Variants in RAB44 observed in about 807,000 individuals in gnomAD.
The protein encoded by RAB44 is RAB44, member RAS oncogene family.
RAB44 carries 67 observed loss-of-function variants against 93.3 expected under a neutral mutation model. That is an observed-to-expected ratio of 0.72 (90% CI 0.59 to 0.88). RAB44 has a LOEUF of 0.88. Among genes scored for constraint, RAB44 ranks in the 40% least tolerant of loss-of-function variants. The pLI, the probability that RAB44 is intolerant of heterozygous loss-of-function variation, is 0.00. For synonymous variants in RAB44, 427 were observed against 520.3 expected, an observed-to-expected ratio of 0.82 and a Z score of 2.44; for missense variants, 1,064 against 1,261.7, an observed-to-expected ratio of 0.84 and a Z score of 2.37.
rs116656106 is a variant in RAB44, at chr6:36,699,573, G to T, written c.-13+1658G>T. 7.0e-3 allele frequency among the ~76,000 whole-genome samples: 1,059 copies of T among 152,294 alleles called. 16 individuals carry two copies. Among genetic ancestry groups the T allele is most frequent in the African/African-American group, 0.024 (1,004 of 41,558 alleles). ...GTTCCAAAGCCCTTGTCCCACTCAG[G>T]GCTACTCCACTGGGTGTTTGTCATC... On this transcript the variant is annotated intron_variant, in intron 1 of 13. Coordinates refer to ENST00000612677, the MANE Select transcript of RAB44 (RefSeq NM_001257357.2).
Position 36,724,726 on chromosome 6 carries a change from C to A in RAB44, c.2600-1136C>A, listed in dbSNP as rs373791256. 3.9e-5 allele frequency among the ~76,000 whole-genome samples: 6 copies of A among 152,284 alleles called. No individual in the cohort carries two copies. The East Asian group carries it at 1.2e-3, about 29-fold the overall frequency. On this transcript the variant is annotated intron_variant, in intron 9 of 13. Transcript: ENST00000612677. The stretch of plus-strand genomic sequence containing the variant: ...CAAGCCGGCATGCACTGCTAGCCTG[C>A]TGGGAGTACCTGAGATCCAAGTGCT...
chr6:36,731,951 T>G lies in RAB44; in HGVS notation c.2976-52T>G, dbSNP rs1230156529. 1 of 1,182,772 alleles carries G rather than the reference T, an allele frequency of 8.5e-7. No homozygotes were observed. Among genetic ancestry groups the G allele is most frequent in the Non-Finnish European group, 1.1e-6 (1 of 943,264 alleles). 73.3% of individuals were successfully genotyped at this position (1,182,772 alleles called of 1,614,324 possible). A position where few individuals can be genotyped will look rare whatever the true frequency, so the allele number is the denominator to read the frequency against. On this transcript the variant is annotated intron_variant, in intron 13 of 13. Coordinates refer to ENST00000612677, the MANE Select transcript of RAB44 (RefSeq NM_001257357.2). This position sits in a 1 kb window ranked among gnomAD's most constrained non-coding sequence, Gnocchi z 4.0. ...CCAGCTGCACCCATGGGCCCATCCG[T>G]GCTGCCCGTAGGAGGTGAGAGAGAG...
chr6:36,699,111 C>T (rs1413351804), intron 1 of RAB44, among the ~76,000 whole-genome samples: 1 of 152,160 alleles, frequency 6.6e-6, no homozygotes, highest in Admixed American at 6.5e-5. Flanking sequence ...GCCTTCCTGC[C>T]CCAGGCCACC....
chr6:36,706,104 TGCCCAA>T (rs888997217), intron 2 of RAB44, among the ~76,000 whole-genome samples: 12 of 152,156 alleles, frequency 7.9e-5, no homozygotes, highest in Non-Finnish European at 1.6e-4. Context: ...CTTGCTATGT[TGCCCAA>T]GCTGTTGTCT....
chr6:36,713,892 T>C lies in RAB44; in HGVS notation c.272T>C (p.Val91Ala), dbSNP rs1373442227. ...ESEMIFDWVD[V>A]ERKGHLSLEE... is the part of the protein sequence containing the mutation. The stretch of plus-strand genomic sequence containing the variant: ...GAGATGATCTTCGACTGGGTGGATG[T>C]GGAGCGGAAGGGACACCTGTCCCTT... The change falls in exon 3 of 14, where the codon GTG (valine) becomes GCG (alanine). Residue 91 changes from valine to alanine, a missense_variant. Coordinates refer to ENST00000612677, the MANE Select transcript of RAB44 (RefSeq NM_001257357.2). The C allele has an allele frequency of 2.0e-6, 3 of 1,536,132 alleles. No homozygotes were observed. Among genetic ancestry groups the C allele is most frequent in the Non-Finnish European group, 2.6e-6 (3 of 1,146,882 alleles).
intron 2 of RAB44, among the ~76,000 whole-genome samples, chr6:36,710,547 CTTT>C (rs113911213): frequency 6.9e-6 from 1 of 144,114 alleles, no homozygotes; most frequent in African/African-American, 2.6e-5. Flanking sequence ...TTTTGTACAA[CTTT>C]TTTTTTTTTT....
Position 36,732,077 on chromosome 6 carries a change from T to G in RAB44, c.3050T>G (p.Phe1017Cys). 6 of 1,234,346 alleles carry G rather than the reference T, an allele frequency of 4.9e-6. No homozygotes were observed. Among genetic ancestry groups the G allele is most frequent in the Middle Eastern group, 2.1e-4 (1 of 4,840 alleles). The allele number at this position is 1,234,346 out of a possible 1,614,324, so 76.5% of individuals were successfully genotyped here. The change falls in exon 14 of 14, where the codon TTC becomes TGC. Residue 1017 changes from phenylalanine (F) to cysteine (C), a missense_variant. By Grantham distance (205) the Phe-to-Cys change is radical. Coordinates refer to ENST00000612677, the MANE Select transcript of RAB44 (RefSeq NM_001257357.2). ...GCCCCCAAGAGGCCGCCCAAGAGAT[T>G]CGGCTGTTGCTCCTGATCACCTGTC... ...KVAPKRPPKR[F>C]GCCS
At chr6:36,701,966 T>C (rs576021313) in intron 1 of RAB44, among the ~76,000 whole-genome samples, 33 of 152,222 alleles carry the variant, frequency 2.2e-4, no homozygotes, top group African/African-American at 7.7e-4. Flanking sequence ...GCAGCGGGCC[T>C]GCTTAGCACT....
intron 2 of RAB44, among the ~76,000 whole-genome samples, 159 bp from the exon 3 acceptor site, chr6:36,713,669 T>C (rs760595115): frequency 7.2e-5 from 11 of 151,758 alleles, no homozygotes; most frequent in Non-Finnish European, 1.3e-4. Context: ...TTGGGTGGGG[T>C]TGGGAATGTC....
chr6:36,705,431 G>C (rs148915529), intron 2 of RAB44, among the ~76,000 whole-genome samples: 1 of 115,202 alleles, frequency 8.7e-6, no homozygotes, highest in African/African-American at 3.5e-5. Context: ...TTCTCAGCTC[G>C]ATCTCAGAGG....
In RAB44 at chr6:36,721,512, C is replaced by T; in HGVS notation, c.1378C>T (p.Pro460Ser). ...PHEQDIRAEQ[P>S]VEPHDPDPNQ... ...TGAGCAGGACATTAGAGCAGAGCAGCCTGTTGAACCGCACGACCCGGACCC... is the reference window on the plus strand; with the variant it reads ...TGAGCAGGACATTAGAGCAGAGCAGTCTGTTGAACCGCACGACCCGGACCC... The change falls in exon 9 of 14, where the codon CCT becomes TCT. Residue 460 changes from proline to serine, a missense_variant. Transcript: ENST00000612677. 2 of 1,234,546 alleles carry T rather than the reference C, an allele frequency of 1.6e-6. No individual in the cohort carries two copies. The highest frequency in any genetic ancestry group is 2.0e-6 in the Non-Finnish European group (2 of 988,326). 76.5% of individuals were successfully genotyped at this position (1,234,546 alleles called of 1,614,324 possible).
chr6:36,704,372 C>A lies in RAB44; in HGVS notation c.137C>A (p.Ala46Glu). Residue 46 changes from alanine (A) to glutamate (E), a missense_variant, in exon 2 of 14, where the codon GCA (alanine) becomes GAA (glutamate). Ala to Glu is a moderately radical substitution (Grantham distance 107). Coordinates refer to ENST00000612677, the MANE Select transcript of RAB44 (RefSeq NM_001257357.2). ...GAGTCTTGGTCCTCTCAGGCAGCGGCAGAACTGCAGGCCTTCTTCCAGGAC... is the reference window on the plus strand; with the variant it reads ...GAGTCTTGGTCCTCTCAGGCAGCGGAAGAACTGCAGGCCTTCTTCCAGGAC... ...EPESWSSQAA[A>E]ELQAFFQDCG... is the part of the protein sequence containing the mutation. 6.5e-7 allele frequency: 1 copy of A among 1,536,124 alleles called. No individual in the cohort carries two copies. The highest frequency in any genetic ancestry group is 8.7e-7 in the Non-Finnish European group (1 of 1,146,898).
At chr6:36,707,186 G>A (rs533272600) in intron 2 of RAB44, among the ~76,000 whole-genome samples, 4 of 152,078 alleles carry the variant, frequency 2.6e-5, no homozygotes, top group African/African-American at 9.6e-5. Flanking sequence ...CAGGCGTGGT[G>A]GCTATTTTCT....
intron 1 of RAB44, among the ~76,000 whole-genome samples, chr6:36,699,331 A>T (rs1444767563): frequency 6.6e-6 from 1 of 152,132 alleles, no homozygotes; most frequent in Admixed American, 6.5e-5. Flanking sequence ...ATGTCCTAGG[A>T]TGTGGCTGCA....
Position 36,730,653 on chromosome 6 carries a change from C to G in RAB44, c.2899-20C>G, listed in dbSNP as rs1322880752. ...TTGTCTCTCCCAAGGCACATATGTC[C>G]CTCCCTGTCTGGCCTGCAGGAACTG... is the stretch of plus-strand genomic sequence containing the variant. On this transcript the variant is annotated intron_variant, in intron 12 of 13. Transcript: ENST00000612677. The G allele has an allele frequency of 8.1e-7, 1 of 1,231,198 alleles. No individual in the cohort carries two copies. The highest frequency in any genetic ancestry group is 1.6e-5 in the African/African-American group (1 of 64,392). The allele number at this position is 1,231,198 out of a possible 1,614,324, so 76.3% of individuals were successfully genotyped here. A position where few individuals can be genotyped will look rare whatever the true frequency, so the allele number is the denominator to read the frequency against.
At chr6:36,727,293 T>TAA (rs1304641580) in intron 10 of RAB44, among the ~76,000 whole-genome samples, 1 of 152,202 alleles carries the variant, frequency 6.6e-6, no homozygotes, top group Admixed American at 6.5e-5. Context: ...GAAAAATATT[T>TAA]AAGAAACTGA....
At chr6:36,709,852 C>A (rs899713315) in intron 2 of RAB44, among the ~76,000 whole-genome samples, 2 of 152,146 alleles carry the variant, frequency 1.3e-5, no homozygotes, top group African/African-American at 4.8e-5. Context: ...CCACCATGCC[C>A]AGCCTGTATT....
chr6:36,702,527 C>T (rs76068458), intron 1 of RAB44, among the ~76,000 whole-genome samples: 238 of 152,318 alleles, frequency 1.6e-3, no homozygotes, highest in African/African-American at 5.3e-3. Flanking sequence ...CTGTGGCCTT[C>T]GGCCTCAACA....
chr6:36,706,489 C>T (rs1028076785), intron 2 of RAB44, among the ~76,000 whole-genome samples: 2 of 152,168 alleles, frequency 1.3e-5, no homozygotes, highest in African/African-American at 2.4e-5. Context: ...GAAGCAATCC[C>T]TGTCGTTCCA....
Sources: allele counts gnomAD v4.1 joint callset (sites outside exome capture counted in the v4.1 genomes callset), GRCh38; gene constraint gnomAD v4.1.1; non-coding constraint Gnocchi (gnomAD v3.1); transcripts MANE v1.5; gene names NCBI Gene and HGNC (gene_info 2026-07-23, HGNC 2026-07-21).